Variants in DGKI observed in about 807,000 individuals in gnomAD.
The protein encoded by DGKI is DAG kinase iota.
In DGKI, 55 loss-of-function variants were observed where a neutral mutation model predicts 147.5. The ratio of observed to expected loss-of-function variants is 0.37; its 90% CI spans 0.30 to 0.47. The LOEUF (loss-of-function observed/expected upper bound fraction) is 0.47, where lower values mean the gene tolerates loss of function less well. Among genes scored for constraint, DGKI ranks in the 20% least tolerant of loss-of-function variants. The probability of loss-of-function intolerance (pLI) is 1.00; values close to 1 mark genes in which losing one functional copy is unlikely to be tolerated. For synonymous variants in DGKI, 469 were observed against 477.1 expected (o/e 0.98, Z 0.22); for missense variants, 1,007 against 1,323.8 (o/e 0.76, Z 3.71).
At chr7:137,461,679 C>A (rs775041123) in intron 27 of DGKI, among the ~76,000 whole-genome samples, 2 of 152,102 alleles carry the variant, frequency 1.3e-5, no homozygotes, top group Non-Finnish European at 2.9e-5. Flanking sequence ...GTCTGGAGAT[C>A]CAGCTGGAGA....
At chr7:137,613,075 AC>A (rs1426858138) in intron 8 of DGKI, among the ~76,000 whole-genome samples, 18 of 152,318 alleles carry the variant, frequency 1.2e-4, no homozygotes, top group African/African-American at 4.3e-4. Flanking sequence ...AGAAATAGTT[AC>A]GGGTAAATCA....
intron 3 of DGKI, among the ~76,000 whole-genome samples, chr7:137,669,253 A>C (rs1185747844): frequency 6.6e-6 from 1 of 152,184 alleles, no homozygotes; most frequent in African/African-American, 2.4e-5. Flanking sequence ...CCACCTCATC[A>C]ATGTGGCAGG....
chr7:137,630,548 T>G (rs1298675127), intron 6 of DGKI, among the ~76,000 whole-genome samples: 1 of 152,206 alleles, frequency 6.6e-6, no homozygotes, highest in Non-Finnish European at 1.5e-5. Context: ...AGGCATAGCT[T>G]CCACGATATC....
intron 6 of DGKI, among the ~76,000 whole-genome samples, chr7:137,628,937 T>C (rs1821035649): frequency 6.6e-6 from 1 of 152,242 alleles, no homozygotes; most frequent in African/African-American, 2.4e-5. Flanking sequence ...ATTTCATTAT[T>C]TCTGTATTTA....
rs192270555 is a variant in DGKI, at chr7:137,763,425, A to C, written c.402-73423T>G. On this transcript the variant is annotated intron_variant, in intron 1 of 32. Transcript: ENST00000614521. ...TGCAACTTTAATTTTCCTAAAAAGA[A>C]ATCATGCTGCTTTGGCTTAACATTC... Among the ~76,000 whole-genome samples the C allele has an allele frequency of 1.1e-3, 169 of 152,350 alleles. 3 individuals are homozygous for C. Among genetic ancestry groups the C allele is most frequent in the African/African-American group, 4.0e-3 (167 of 41,580 alleles).
At chr7:137,501,138 G>A (rs937540781) in intron 21 of DGKI, among the ~76,000 whole-genome samples, 1 of 151,996 alleles carries the variant, frequency 6.6e-6, no homozygotes, top group Non-Finnish European at 1.5e-5. Flanking sequence ...TCTGTGTCTG[G>A]ATTATTTCAC....
rs1798196440 is a variant in DGKI, at chr7:137,830,817, A to G, written c.401+15645T>C. The stretch of plus-strand genomic sequence containing the variant: ...TTAAGGAGTCAGTTTCAGACTCAAC[A>G]TGAAGACAGCAGAATGTAATGGGAA... On this transcript the variant is annotated intron_variant, in intron 1 of 32. Transcript: ENST00000614521. 2.0e-5 allele frequency among the ~76,000 whole-genome samples: 3 copies of G among 152,226 alleles called. No homozygotes were observed. In the South Asian group the frequency reaches 6.2e-4, roughly 32 times the overall value.
intron 21 of DGKI, among the ~76,000 whole-genome samples, chr7:137,507,585 T>C (rs181398804): frequency 6.6e-6 from 1 of 152,212 alleles, no homozygotes; most frequent in East Asian, 1.9e-4. Flanking sequence ...ATATTGCATA[T>C]ACAAAGAATT....
At chr7:137,484,421 C>T (rs1275131471) in intron 23 of DGKI, among the ~76,000 whole-genome samples, 2 of 152,068 alleles carry the variant, frequency 1.3e-5, no homozygotes, top group Non-Finnish European at 2.9e-5. Flanking sequence ...TTCCTCCCCA[C>T]ATGGAAGTAT....
At chr7:137,843,278 TAA>T (rs67512711) in intron 1 of DGKI, 13 of 260,964 alleles carry the variant, frequency 5.0e-5, no homozygotes, top group South Asian at 1.4e-4. Context: ...TACAGCAGTT[TAA>T]AAAAAAAAAC....
intron 24 of DGKI, among the ~76,000 whole-genome samples, chr7:137,468,121 C>T (rs774410593): frequency 6.6e-6 from 1 of 151,988 alleles, no homozygotes. Context: ...AAAATGCAAG[C>T]ACTTATTTAA....
At position 137,392,643 on chromosome 7, in the gene DGKI, C is replaced by T. The variant is rs78150626; in HGVS notation, c.3058-1307G>A. Among the ~76,000 whole-genome samples, 440 of 152,244 alleles carry T rather than the reference C, an allele frequency of 2.9e-3. 3 individuals carry two copies. Among genetic ancestry groups the T allele is most frequent in the African/African-American group, 9.9e-3 (410 of 41,536 alleles). ...GTTACTTATTCACTTGGGATTTAGC[C>T]GTTAACCACTAGTTTGAAGTTCCTT... On this transcript the variant is annotated intron_variant, in intron 32 of 32. Transcript: ENST00000614521.
At chr7:137,446,592 G>C (rs945929331) in intron 27 of DGKI, among the ~76,000 whole-genome samples, 2 of 152,250 alleles carry the variant, frequency 1.3e-5, no homozygotes, top group African/African-American at 2.4e-5. Flanking sequence ...TGGGCATGGT[G>C]GTGGGTGCCT....
At chr7:137,699,355 A>G (rs1455882449) in intron 1 of DGKI, among the ~76,000 whole-genome samples, 1 of 152,148 alleles carries the variant, frequency 6.6e-6, no homozygotes, top group Non-Finnish European at 1.5e-5. Flanking sequence ...AATAAAGAGC[A>G]TGTTAAGAAC....
At chr7:137,715,319 A>C (rs1794343618) in intron 1 of DGKI, among the ~76,000 whole-genome samples, 1 of 152,192 alleles carries the variant, frequency 6.6e-6, no homozygotes, top group Non-Finnish European at 1.5e-5. Context: ...GAAATACCTT[A>C]ATTATCATCC....
chr7:137,821,747 G>A (rs1797908457), intron 1 of DGKI, among the ~76,000 whole-genome samples: 2 of 152,162 alleles, frequency 1.3e-5, no homozygotes. Flanking sequence ...TGAGCTGAAT[G>A]CAGGCAGAGT....
rs566278011 is a variant in DGKI, at chr7:137,769,768, A to G, written c.401+76694T>C. On this transcript the variant is annotated intron_variant, in intron 1 of 32. Coordinates refer to ENST00000614521, the MANE Select transcript of DGKI (RefSeq NM_001321708.2). Reference sequence around the variant, plus strand: ...TAGAGAAATGCAAATCAAAACCACAATGAGATACTATCACATGCCAGTCAG... The same window carrying G: ...TAGAGAAATGCAAATCAAAACCACAGTGAGATACTATCACATGCCAGTCAG... Among the ~76,000 whole-genome samples, 10 of 152,350 alleles carry G rather than the reference A, an allele frequency of 6.6e-5. No individual in the cohort carries two copies. The East Asian group carries it at 1.5e-3, about 24-fold the overall frequency.
chr7:137,485,396 C>T lies in DGKI; in HGVS notation c.2351G>A (p.Gly784Asp), dbSNP rs375081513. The change falls in exon 23 of 33, where the codon GGC becomes GAC. Residue 784 changes from glycine (G) to aspartate (D), a missense_variant. This residue lies in a region of DGKI where 385 missense variants were observed against 445.2 expected (regional missense o/e 0.86). Coordinates refer to ENST00000614521, the MANE Select transcript of DGKI (RefSeq NM_001321708.2). Reference sequence around the variant, plus strand: ...TACCTGGTAATGAACTCTCTGGGAGCCAGAAGAAACTGACTGTAGGTCCTA... The same window carrying T: ...TACCTGGTAATGAACTCTCTGGGAGTCAGAAGAAACTGACTGTAGGTCCTA... The part of the protein sequence containing the change: ...LQEDLQSVSS[G>D]SQRVHYQDHE... The T allele has an allele frequency of 5.7e-5, 92 of 1,608,766 alleles. No individual in the cohort carries two copies. The Admixed American group carries it at 1.1e-3, about 20-fold the overall frequency.
intron 23 of DGKI, among the ~76,000 whole-genome samples, chr7:137,475,965 C>G (rs1312297778): frequency 6.6e-6 from 1 of 152,020 alleles, no homozygotes; most frequent in Admixed American, 6.5e-5. Flanking sequence ...AAATGGAAGG[C>G]TCAATTCACA....
Sources: allele counts gnomAD v4.1 joint callset (sites outside exome capture counted in the v4.1 genomes callset), GRCh38; gene constraint gnomAD v4.1.1; regional missense constraint gnomAD v4.1.1; transcripts MANE v1.5; gene names NCBI Gene and HGNC (gene_info 2026-07-23, HGNC 2026-07-21).